The following ADAM10 variants were observed in gnomAD, a reference collection of about 807,000 sequenced individuals.
The protein encoded by ADAM10 is disintegrin and metalloproteinase domain-containing protein 10.
Under a neutral mutation model 90.1 loss-of-function variants are expected in ADAM10, and 17 were observed. The observed-to-expected ratio is 0.19, with a 90% CI of 0.13 to 0.28. ADAM10 has a LOEUF of 0.28. Ranked by LOEUF, ADAM10 falls within the 10% of genes least tolerant of loss-of-function variation. The pLI is 1.00. For missense variants in ADAM10, 610 were observed against 914.3 expected, an observed-to-expected ratio of 0.67 and a Z score of 4.29; for synonymous variants, 310 against 298.6, an observed-to-expected ratio of 1.04 and a Z score of -0.40.
In ADAM10 at chr15:58,588,839, C is replaced by G. The variant is rs1894767473; in HGVS notation, c.*8708G>C. On this transcript the variant is annotated 3_prime_UTR_variant, in exon 16 of 16. Coordinates refer to ENST00000260408, the MANE Select transcript of ADAM10 (RefSeq NM_001110.4). Reference sequence around the variant, plus strand: ...TCTCCCATTTTATTTCTAATTTGAGCTTTCTGAATACATTTCTTCTCCTAT... The same window carrying G: ...TCTCCCATTTTATTTCTAATTTGAGGTTTCTGAATACATTTCTTCTCCTAT... The G allele has an allele frequency of 6.6e-6, 1 of 152,136 alleles. No individual in the cohort carries two copies. The highest frequency in any genetic ancestry group is 2.4e-5 in the African/African-American group (1 of 41,416). 9.4% of individuals were successfully genotyped at this position (152,136 alleles called of 1,614,324 possible). A position where few individuals can be genotyped will look rare whatever the true frequency, so the allele number is the denominator to read the frequency against.
At chr15:58,645,611 G>A (rs1005770915) in intron 6 of ADAM10, among the ~76,000 whole-genome samples, 3 of 152,060 alleles carry the variant, frequency 2.0e-5, no homozygotes, top group Non-Finnish European at 2.9e-5. Flanking sequence ...CCTTCCACAC[G>A]AAGGACATTT....
intron 4 of ADAM10, chr15:58,672,404 A>C (rs1484638239): frequency 6.5e-6 from 1 of 154,000 alleles, no homozygotes; most frequent in Non-Finnish European, 1.4e-5. Context: ...GCTTCAGTTA[A>C]CTTCTCGGAA....
intron 1 of ADAM10, among the ~76,000 whole-genome samples, chr15:58,728,381 T>G (rs1431654762): frequency 6.6e-6 from 1 of 152,158 alleles, no homozygotes; most frequent in African/African-American, 2.4e-5. Context: ...ATTCGTACAC[T>G]TAAAAAATTG....
intron 14 of ADAM10, among the ~76,000 whole-genome samples, chr15:58,602,709 TTTAA>T (rs1179571025): frequency 1.3e-5 from 2 of 152,236 alleles, no homozygotes; most frequent in African/African-American, 2.4e-5. Context: ...CTCAGTCTTA[TTTAA>T]TTCTCAGATT....
At chr15:58,620,660 AT>A (rs570842513) in intron 11 of ADAM10, among the ~76,000 whole-genome samples, 4 of 59,410 alleles carry the variant, frequency 6.7e-5, no homozygotes, top group Admixed American at 2.1e-4. Context: ...AAGAATATGT[AT>A]TTTTTTTTTT....
chr15:58,669,773 AAC>A (rs1246810350), intron 4 of ADAM10, among the ~76,000 whole-genome samples: 1 of 152,170 alleles, frequency 6.6e-6, no homozygotes, highest in Non-Finnish European at 1.5e-5. Context: ...GTATCCACAC[AAC>A]AGACTACTAT....
In ADAM10 at chr15:58,611,096, A is replaced by C; in HGVS notation, c.1707T>G (p.Gly569=). 1 of 1,612,800 alleles carries C rather than the reference A, an allele frequency of 6.2e-7. No homozygotes were observed. The highest frequency in any genetic ancestry group is 8.5e-7 in the Non-Finnish European group (1 of 1,178,814). ...CTAAGCCATATTTCTCACAGATAGA[A>C]CCTGCACATTGCTAGAAGAAAAATA... ...TQVCINGQCA[G]SICEKYGLEE... The change falls in exon 13 of 16, where the codon GGT becomes GGG. Residue 569 remains glycine, a synonymous_variant. Transcript: ENST00000260408.
chr15:58,676,823 AATAG>A (rs1897312370), intron 4 of ADAM10, among the ~76,000 whole-genome samples: 1 of 152,078 alleles, frequency 6.6e-6, no homozygotes, highest in Non-Finnish European at 1.5e-5. Flanking sequence ...TCTCCAAAAA[AATAG>A]ATAAATAAAT....
At chr15:58,717,487 A>G (rs1297222426) in intron 2 of ADAM10, 90 bp downstream of exon 2, 3 of 1,530,876 alleles carry the variant, frequency 2.0e-6, no homozygotes, top group Admixed American at 1.7e-5. Flanking sequence ...ACCTTGCATT[A>G]GAGAAGGAAA....
At chr15:58,632,821 A>G (rs12906714) in intron 9 of ADAM10, among the ~76,000 whole-genome samples, 21,322 of 152,160 alleles carry the variant, frequency 0.14, 1,745 homozygotes, top group South Asian at 0.32. Flanking sequence ...CAAAAAAAGA[A>G]TTTCTCACAA....
rs1327352039 is a variant in ADAM10 at position 58,589,854 on chromosome 15, C to T, written c.*7693G>A. 6.6e-6 allele frequency: 1 copy of T among 152,126 alleles called. No individual in the cohort carries two copies. Among genetic ancestry groups the T allele is most frequent in the African/African-American group, 2.4e-5 (1 of 41,392 alleles). 9.4% of individuals were successfully genotyped at this position (152,126 alleles called of 1,614,324 possible). A position where few individuals can be genotyped will look rare whatever the true frequency, so the allele number is the denominator to read the frequency against. ...CAGGTCTGAAAAGCGAAGCGCCTTT[C>T]ACAACTCCCAGATTGTTGGGCCAAT... On this transcript the variant is annotated 3_prime_UTR_variant, in exon 16 of 16. Coordinates refer to ENST00000260408, the MANE Select transcript of ADAM10 (RefSeq NM_001110.4).
intron 9 of ADAM10, among the ~76,000 whole-genome samples, chr15:58,628,355 C>G (rs1490360420): frequency 6.6e-6 from 1 of 152,074 alleles, no homozygotes; most frequent in African/African-American, 2.4e-5. Flanking sequence ...TCTAAGACAG[C>G]TAACTTAATA....
At position 58,591,947 on chromosome 15, in the gene ADAM10, C is replaced by G. The variant is rs928688673; in HGVS notation, c.*5600G>C. On this transcript the variant is annotated 3_prime_UTR_variant, in exon 16 of 16. Transcript: ENST00000260408. Reference sequence around the variant, plus strand: ...ATAAATTGTCTTGATAGATGTAGCTCTTAAGTCTCCTTTAACCCATCGTTG... The same window carrying G: ...ATAAATTGTCTTGATAGATGTAGCTGTTAAGTCTCCTTTAACCCATCGTTG... The G allele has an allele frequency of 1.3e-5, 2 of 152,202 alleles. No individual in the cohort carries two copies. The highest frequency in any genetic ancestry group is 4.8e-5 in the African/African-American group (2 of 41,456). 9.4% of individuals were successfully genotyped at this position (152,202 alleles called of 1,614,324 possible).
At chr15:58,682,160 A>C in intron 3 of ADAM10, 36 bp downstream of exon 3, 1 of 1,605,212 alleles carries the variant, frequency 6.2e-7, no homozygotes, top group Non-Finnish European at 8.5e-7. Context: ...GAAAAAAAAA[A>C]ATGGAAGAAA....
At chr15:58,647,686 G>A (rs538236774) in intron 5 of ADAM10, among the ~76,000 whole-genome samples, 21 of 152,010 alleles carry the variant, frequency 1.4e-4, no homozygotes, top group Non-Finnish European at 1.0e-4. Flanking sequence ...GTAGCTGGGG[G>A]ACTACAAGCA....
At chr15:58,675,391 G>C (rs376736558) in intron 4 of ADAM10, among the ~76,000 whole-genome samples, 32 of 152,250 alleles carry the variant, frequency 2.1e-4, no homozygotes, top group African/African-American at 7.5e-4. Flanking sequence ...TGGATAGGTA[G>C]TACACAAAAA....
At chr15:58,698,377 G>C (rs1368064523) in intron 2 of ADAM10, 4 of 333,758 alleles carry the variant, frequency 1.2e-5, no homozygotes, top group Non-Finnish European at 2.3e-5. Flanking sequence ...TTTGAGACCA[G>C]CCTGGGCAAC....
rs757003777 is a variant in ADAM10 at position 58,644,026 on chromosome 15, A to C, written c.736-48T>G. ...TTTTAGAGGCAATGTTGAAATATGA[A>C]AAAGATTATAAATTTCCATTTCCAA... On this transcript the variant is annotated intron_variant, in intron 6 of 15. Transcript: ENST00000260408. 3 of 1,370,324 alleles carry C rather than the reference A, an allele frequency of 2.2e-6. No individual in the cohort carries two copies. In the Admixed American group the frequency reaches 5.1e-5, roughly 23 times the overall value. The allele number at this position is 1,370,324 out of a possible 1,614,324, so 84.9% of individuals were successfully genotyped here. A position where few individuals can be genotyped will look rare whatever the true frequency, so the allele number is the denominator to read the frequency against.
chr15:58,637,650 GCTT>G (rs1204324599), intron 8 of ADAM10, among the ~76,000 whole-genome samples: 4 of 152,216 alleles, frequency 2.6e-5, no homozygotes, highest in Middle Eastern at 3.4e-3. Flanking sequence ...AAACATTTCA[GCTT>G]CTTATTTGAA....
Sources: allele counts gnomAD v4.1 joint callset (sites outside exome capture counted in the v4.1 genomes callset), GRCh38; gene constraint gnomAD v4.1.1; transcripts MANE v1.5; gene names NCBI Gene and HGNC (gene_info 2026-07-23, HGNC 2026-07-21).